CUBN: variants seen among roughly 807,000 people sequenced by gnomAD.
The protein encoded by CUBN is 460 kDa receptor.
In CUBN, 282 loss-of-function variants were observed where a neutral mutation model predicts 405.3. That is an observed-to-expected ratio of 0.70 (90% CI 0.63 to 0.77). The LOEUF is 0.77. Among genes scored for constraint, CUBN ranks in the 30% least tolerant of loss-of-function variants. The pLI is 0.00. For missense variants in CUBN, 4,514 were observed against 4,475.2 expected (o/e 1.01, Z -0.25); for synonymous variants, 1,684 against 1,617.0 (o/e 1.04, Z -0.99).
At chr10:16,942,825 G>C (rs1588504006) in intron 36 of CUBN, among the ~76,000 whole-genome samples, 2 of 141,190 alleles carry the variant, frequency 1.4e-5, no homozygotes. Flanking sequence ...GAAGGGAAGG[G>C]AAAAGGAAGG....
chr10:16,835,897 CAT>C (rs757470031), intron 63 of CUBN, among the ~76,000 whole-genome samples: 124 of 152,088 alleles, frequency 8.2e-4, no homozygotes, highest in African/African-American at 2.4e-3. Flanking sequence ...TGTAAATAAA[CAT>C]ATATATTTCT....
At position 17,059,953 on chromosome 10, in the gene CUBN, C is replaced by T. The variant is rs150367063; in HGVS notation, c.3139+5555G>A. 3.8e-3 allele frequency among the ~76,000 whole-genome samples: 572 copies of T among 152,240 alleles called. 4 individuals carry two copies. Among genetic ancestry groups the T allele is most frequent in the African/African-American group, 0.012 (497 of 41,536 alleles). ...TTTTGTCTTCCTCAACTTTGCAAAA[C>T]AGCCAGGCATTATCACCACACTTTT... On this transcript the variant is annotated intron_variant, in intron 22 of 66. Transcript: ENST00000377833.
chr10:16,933,202 TC>T lies in CUBN; in HGVS notation c.6008del (p.Arg2003LysfsTer36). Reference sequence around the variant, plus strand: ...CCTGGATGAGCCACGTACAGTCCACTCTATTACTGTAACTGTCAGGCCAGCC... The same window carrying T: ...CCTGGATGAGCCACGTACAGTCCACTTATTACTGTAACTGTCAGGCCAGCC... ...SPGWPDSYSN[R>X]VDCTWLIQAP... On this transcript the variant is annotated frameshift_variant, in exon 40 of 67. Coordinates refer to ENST00000377833, the MANE Select transcript of CUBN (RefSeq NM_001081.4). LOFTEE classifies it high-confidence loss of function. The T allele has an allele frequency of 6.2e-7, 1 of 1,614,086 alleles. No homozygotes were observed. Among genetic ancestry groups the T allele is most frequent in the Non-Finnish European group, 8.5e-7 (1 of 1,179,962 alleles).
chr10:17,117,379 T>G (rs1308776348), intron 6 of CUBN, among the ~76,000 whole-genome samples: 1 of 152,022 alleles, frequency 6.6e-6, no homozygotes, highest in East Asian at 1.9e-4. Context: ...TTTATTTTTG[T>G]TTTTGTTTTT....
At chr10:17,027,486 T>C (rs1588595240) in intron 27 of CUBN, among the ~76,000 whole-genome samples, 1 of 152,186 alleles carries the variant, frequency 6.6e-6, no homozygotes. Flanking sequence ...ATATTAGTAA[T>C]AATGATATAC....
intron 59 of CUBN, among the ~76,000 whole-genome samples, chr10:16,866,077 G>T (rs543791391): frequency 6.6e-6 from 1 of 151,942 alleles, no homozygotes; most frequent in Non-Finnish European, 1.5e-5. Context: ...GTCTCTCCTT[G>T]GCAACTCACT....
chr10:17,075,000 A>T (rs1835822612), intron 17 of CUBN, among the ~76,000 whole-genome samples: 2 of 150,364 alleles, frequency 1.3e-5, no homozygotes, highest in South Asian at 4.3e-4. Flanking sequence ...ATTTAAGCGG[A>T]GACTTGAAAG....
chr10:17,079,656 T>C (rs1407785565), intron 17 of CUBN, among the ~76,000 whole-genome samples: 2 of 152,200 alleles, frequency 1.3e-5, no homozygotes, highest in Non-Finnish European at 2.9e-5. Context: ...CACAATACTA[T>C]TCAGCCTATG....
chr10:16,896,985 T>C (rs1298954469), intron 54 of CUBN, among the ~76,000 whole-genome samples: 1 of 152,238 alleles, frequency 6.6e-6, no homozygotes, highest in African/African-American at 2.4e-5. Flanking sequence ...TGTTAGTGTA[T>C]TTTTCAGTTC....
In CUBN at chr10:17,114,063, T is replaced by C. The variant is rs1322770820; in HGVS notation, c.847A>G (p.Thr283Ala). 2 of 1,612,960 alleles carry C rather than the reference T, an allele frequency of 1.2e-6. No homozygotes were observed. Among genetic ancestry groups the C allele is most frequent in the Non-Finnish European group, 1.7e-6 (2 of 1,179,622 alleles). ...GCCCCACAGTAGAAAGAGCCTTGAG[T>C]GTTGAAACACTGCACAAGTGTGGAG... ...PCSTLVQCFNTQGSFYCGACP... is the reference protein window; with the variant it reads ...PCSTLVQCFNAQGSFYCGACP... Residue 283 changes from threonine to alanine, a missense_variant, in exon 8 of 67, where the codon ACT becomes GCT. By Grantham distance (58) the Thr-to-Ala change is moderately conservative. Coordinates refer to ENST00000377833, the MANE Select transcript of CUBN (RefSeq NM_001081.4).
chr10:17,006,614 G>A (rs1489885557), intron 28 of CUBN, among the ~76,000 whole-genome samples: 1 of 152,174 alleles, frequency 6.6e-6, no homozygotes, highest in African/African-American at 2.4e-5. Context: ...CTAACTTTAA[G>A]AGAAACACTG....
At chr10:16,876,388 T>C (rs558869041) in intron 57 of CUBN, among the ~76,000 whole-genome samples, 2 of 152,356 alleles carry the variant, frequency 1.3e-5, no homozygotes, top group South Asian at 2.1e-4. Flanking sequence ...TGCAGAGAAG[T>C]TGTAAATTAT....
At position 16,964,550 on chromosome 10, in the gene CUBN, A is replaced by T. The variant is rs557026707; in HGVS notation, c.4696-10002T>A. On this transcript the variant is annotated intron_variant, in intron 31 of 66. Coordinates refer to ENST00000377833, the MANE Select transcript of CUBN (RefSeq NM_001081.4). ...TTGTATCTATATTGTAATACTAAGG[A>T]TGGCAATAATTTCTTATTTCTTCTT... Among the ~76,000 whole-genome samples the T allele has an allele frequency of 3.3e-5, 5 of 152,314 alleles. No individual in the cohort carries two copies. In the South Asian group the frequency reaches 1.0e-3, roughly 32 times the overall value.
At chr10:16,990,647 T>C (rs1484679467) in intron 28 of CUBN, 132 bp from the exon 29 acceptor site, 7 of 703,702 alleles carry the variant, frequency 9.9e-6, no homozygotes, top group Middle Eastern at 4.0e-4. Flanking sequence ...TAAGTTACAA[T>C]AAAGTTATAA....
chr10:17,093,879 A>G (rs1314944636), intron 14 of CUBN, among the ~76,000 whole-genome samples: 1 of 152,102 alleles, frequency 6.6e-6, no homozygotes, highest in South Asian at 2.1e-4. Flanking sequence ...GAATCAAAGC[A>G]AAAAAAGAAG....
chr10:16,839,666 T>A (rs780620), intron 62 of CUBN, among the ~76,000 whole-genome samples: 1 of 84,906 alleles, frequency 1.2e-5, no homozygotes, highest in Non-Finnish European at 3.5e-5. Context: ...GGTGATTCCT[T>A]AGGGATCTAG....
At position 16,913,998 on chromosome 10, in the gene CUBN, G is replaced by A. The variant is rs186593805; in HGVS notation, c.7352-6C>T. On this transcript the variant is annotated splice_polypyrimidine_tract_variant and splice_region_variant and intron_variant, in intron 47 of 66. Transcript: ENST00000377833. ...CTGAAGATCCCCACCACACTCTGAC[G>A]TGGGGAAAAAGCCAAGAAAACTTTC... The A allele has an allele frequency of 8.7e-5, 141 of 1,613,840 alleles. 1 individual carries two copies. In the African/African-American group the frequency reaches 1.3e-3, roughly 15 times the overall value.
chr10:16,966,285 A>T (rs2932911), intron 31 of CUBN, among the ~76,000 whole-genome samples: 2 of 151,914 alleles, frequency 1.3e-5, no homozygotes, highest in African/African-American at 4.8e-5. Context: ...AACAAAGAGC[A>T]CAGTGTCTGG....
At chr10:16,872,428 GT>G (rs1840386258) in intron 58 of CUBN, among the ~76,000 whole-genome samples, 2 of 151,732 alleles carry the variant, frequency 1.3e-5, no homozygotes, top group Admixed American at 1.3e-4. Flanking sequence ...GTATACCATG[GT>G]TGGAATGTTT....
Sources: allele counts gnomAD v4.1 joint callset (sites outside exome capture counted in the v4.1 genomes callset), GRCh38; gene constraint gnomAD v4.1.1; transcripts MANE v1.5; gene names NCBI Gene and HGNC (gene_info 2026-07-23, HGNC 2026-07-21).